Variants in WDR76 observed in about 807,000 individuals in gnomAD.
The protein encoded by WDR76 is WD repeat domain 76, also known as WD repeat-containing protein 76.
Under a neutral mutation model 70.2 loss-of-function variants are expected in WDR76, and 52 were observed. The ratio of observed to expected loss-of-function variants is 0.74; its 90% CI spans 0.59 to 0.93. The LOEUF (loss-of-function observed/expected upper bound fraction) is 0.93. Ranked by LOEUF, WDR76 falls within the 40% of genes least tolerant of loss-of-function variation. WDR76 has a pLI of 0.00. For missense variants in WDR76, 756 were observed against 760.2 expected, an observed-to-expected ratio of 0.99 and a Z score of 0.07; for synonymous variants, 292 against 271.1, an observed-to-expected ratio of 1.08 and a Z score of -0.76.
Position 43,857,124 on chromosome 15 carries a change from AC to A in WDR76, c.1373del (p.Pro458GlnfsTer12). ...SMGKIRTVHV[H>X]PVHRQYFITA... ...GGAAAAATAAGAACTGTTCATGTCC[AC>A]CCAGTGCATAGACAGTATTTTATCA... On this transcript the variant is annotated frameshift_variant, in exon 10 of 13. Coordinates refer to ENST00000263795, the MANE Select transcript of WDR76 (RefSeq NM_024908.4). LOFTEE classifies it high-confidence loss of function. The A allele has an allele frequency of 6.2e-7, 1 of 1,614,116 alleles. No individual in the cohort carries two copies. The highest frequency in any genetic ancestry group is 1.3e-5 in the African/African-American group (1 of 75,044).
rs1567180424 is a variant in WDR76, at chr15:43,828,258, T to C, written c.354T>C (p.Thr118=). The change falls in exon 2 of 13, where the codon ACT becomes ACC. Residue 118 remains threonine (T), a synonymous_variant. Transcript: ENST00000263795. ...TLQNSSSAVH[T]ESNKLQPKRT... ...AAAATTCATCCTCAGCTGTTCATAC[T>C]GAAAGTAACAAGCTACAACCCAAGA... 2 of 1,614,228 alleles carry C rather than the reference T, an allele frequency of 1.2e-6. No homozygotes were observed. The highest frequency in any genetic ancestry group is 1.7e-6 in the Non-Finnish European group (2 of 1,180,044).
chr15:43,827,009 C>T lies in WDR76; in HGVS notation c.-24C>T. 1 of 1,611,948 alleles carries T rather than the reference C, an allele frequency of 6.2e-7. No homozygotes were observed. Among genetic ancestry groups the T allele is most frequent in the Non-Finnish European group, 8.5e-7 (1 of 1,179,600 alleles). ...TCCCGCCGCAATCTTGGCGGGAAGG[C>T]GCCGGCCGCTAAGAAGCCGAAAGAT... On this transcript the variant is annotated 5_prime_UTR_variant, in exon 1 of 13. Coordinates refer to ENST00000263795, the MANE Select transcript of WDR76 (RefSeq NM_024908.4).
At chr15:43,839,469 G>T in intron 4 of WDR76, 136 bp from the exon 5 acceptor site, 1 of 877,554 alleles carries the variant, frequency 1.1e-6, no homozygotes, top group Non-Finnish European at 1.6e-6. Flanking sequence ...TAAGATAATT[G>T]TGGCCATGTA....
chr15:43,835,023 A>G, intron 2 of WDR76, 38 bp from the exon 3 acceptor site: 1 of 1,559,522 alleles, frequency 6.4e-7, no homozygotes, highest in Non-Finnish European at 8.8e-7. Flanking sequence ...CCTGTAGATT[A>G]TATAAAGTAA....
chr15:43,864,403 T>G (rs1354670128), intron 12 of WDR76, among the ~76,000 whole-genome samples: 1 of 152,232 alleles, frequency 6.6e-6, no homozygotes, highest in Non-Finnish European at 1.5e-5. Context: ...TCTCCATATC[T>G]TTACCAATAC....
intron 9 of WDR76, among the ~76,000 whole-genome samples, chr15:43,853,291 C>A (rs886192118): frequency 4.0e-5 from 6 of 151,776 alleles, no homozygotes; most frequent in Admixed American, 2.6e-4. Flanking sequence ...CCCAGGCTCA[C>A]GTGATCCTCC....
At chr15:43,843,013 CTTTTTTT>C (rs370773260) in intron 7 of WDR76, among the ~76,000 whole-genome samples, 287 of 119,918 alleles carry the variant, frequency 2.4e-3, no homozygotes, top group African/African-American at 4.4e-3. Context: ...TTTTCTTTTT[CTTTTTTT>C]TTTTTTTTTT....
At chr15:43,853,915 A>C (rs1301553402) in intron 9 of WDR76, among the ~76,000 whole-genome samples, 1 of 151,028 alleles carries the variant, frequency 6.6e-6, no homozygotes, top group Non-Finnish European at 1.5e-5. Context: ...AAAAAAAAAA[A>C]CAAAAAAAAA....
intron 11 of WDR76, among the ~76,000 whole-genome samples, chr15:43,860,850 A>G (rs1411174749): frequency 6.6e-6 from 1 of 151,894 alleles, no homozygotes; most frequent in Admixed American, 6.6e-5. Flanking sequence ...TTATTTTATA[A>G]AACGTCTTGT....
At chr15:43,861,273 A>T in intron 11 of WDR76, 60 bp from the exon 12 acceptor site, 1 of 1,315,288 alleles carries the variant, frequency 7.6e-7, no homozygotes, top group Non-Finnish European at 1.1e-6. Context: ...AAATACACTG[A>T]TATTTATTTC....
chr15:43,831,738 C>A (rs1465719579), intron 2 of WDR76, among the ~76,000 whole-genome samples: 1 of 152,100 alleles, frequency 6.6e-6, no homozygotes, highest in Non-Finnish European at 1.5e-5. Flanking sequence ...CCGCGCATGC[C>A]ATGTCTTTCT....
At chr15:43,860,770 G>A (rs1476212741) in intron 11 of WDR76, among the ~76,000 whole-genome samples, 1 of 151,858 alleles carries the variant, frequency 6.6e-6, no homozygotes, top group Non-Finnish European at 1.5e-5. Flanking sequence ...TGGCCTCAAA[G>A]TGCTGAGATT....
chr15:43,860,794 A>T (rs1048496465), intron 11 of WDR76, among the ~76,000 whole-genome samples: 3 of 151,972 alleles, frequency 2.0e-5, no homozygotes, highest in Non-Finnish European at 2.9e-5. Context: ...GGCATGAGCC[A>T]CAACACTCAG....
chr15:43,834,917 CTGTT>C, intron 2 of WDR76, 140 bp from the exon 3 acceptor site: 1 of 705,706 alleles, frequency 1.4e-6, no homozygotes, highest in South Asian at 2.0e-5. Context: ...CAGCAAACGT[CTGTT>C]TTGGTAAGAT....
In WDR76 at chr15:43,839,618, A is replaced by G. The variant is rs762126478; in HGVS notation, c.622A>G (p.Arg208Gly). ...CCACTCCTTTAGAAAGAAGCCTAAGAGAGAAAATGGGATTGGATGTAGAAG... is the reference window on the plus strand; with the variant it reads ...CCACTCCTTTAGAAAGAAGCCTAAGGGAGAAAATGGGATTGGATGTAGAAG... ...PPKSKRKKPK[R>G]ENGIGCRRSM... is the part of the protein sequence containing the mutation. The change falls in exon 5 of 13, where the codon AGA becomes GGA. Residue 208 changes from arginine (R) to glycine (G), a missense_variant. Physicochemically the swap from Arg to Gly is moderately radical, Grantham distance 125 (BLOSUM62 -2). Coordinates refer to ENST00000263795, the MANE Select transcript of WDR76 (RefSeq NM_024908.4). 1.2e-6 allele frequency: 2 copies of G among 1,610,878 alleles called. No homozygotes were observed. Among genetic ancestry groups the G allele is most frequent in the Non-Finnish European group, 1.7e-6 (2 of 1,178,606 alleles).
intron 11 of WDR76, among the ~76,000 whole-genome samples, chr15:43,859,370 A>G (rs1033843729): frequency 6.6e-6 from 1 of 152,254 alleles, no homozygotes. Flanking sequence ...AACAGTGTCA[A>G]TAAAGATGTC....
At chr15:43,858,594 T>C (rs2087959462) in intron 10 of WDR76, 77 bp from the exon 11 acceptor site, 1 of 1,541,854 alleles carries the variant, frequency 6.5e-7, no homozygotes. Flanking sequence ...TGTGAGTGTC[T>C]AACTTATGTT....
At chr15:43,860,847 A>T (rs896017834) in intron 11 of WDR76, among the ~76,000 whole-genome samples, 1 of 149,446 alleles carries the variant, frequency 6.7e-6, no homozygotes. Context: ...GACTTATTTT[A>T]TAAAACGTCT....
At chr15:43,844,137 A>G (rs1396490579) in intron 8 of WDR76, 83 bp downstream of exon 8, 1 of 1,292,868 alleles carries the variant, frequency 7.7e-7, no homozygotes, top group Admixed American at 2.7e-5. Flanking sequence ...CCATGTGTTT[A>G]TAAATGTTGC....
Sources: allele counts gnomAD v4.1 joint callset (sites outside exome capture counted in the v4.1 genomes callset), GRCh38; gene constraint gnomAD v4.1.1; transcripts MANE v1.5; gene names NCBI Gene and HGNC (gene_info 2026-07-23, HGNC 2026-07-21).